Variants in MME observed in about 807,000 individuals in gnomAD.
MME encodes membrane metalloendopeptidase, also known as neprilysin.
In MME, 98 loss-of-function variants were observed where a neutral mutation model predicts 113.2. The ratio of observed to expected loss-of-function variants is 0.87; its 90% CI spans 0.74 to 1.02. MME has a LOEUF of 1.02. Ranked by LOEUF, MME falls within the 50% of genes least tolerant of loss-of-function variation. The pLI is 0.00. For missense variants in MME, 836 were observed against 896.0 expected, an observed-to-expected ratio of 0.93 and a Z score of 0.86; for synonymous variants, 292 against 300.6, an observed-to-expected ratio of 0.97 and a Z score of 0.30.
At chr3:155,096,363 G>C (rs1445376872) in intron 3 of MME, among the ~76,000 whole-genome samples, 1 of 152,150 alleles carries the variant, frequency 6.6e-6, no homozygotes, top group Non-Finnish European at 1.5e-5. Flanking sequence ...GTGTGTGAGA[G>C]AGCTTGGCAA....
At chr3:155,158,871 C>T (rs767500870) in intron 16 of MME, 3 of 147,448 alleles carry the variant, frequency 2.0e-5, no homozygotes, top group African/African-American at 7.4e-5. Context: ...TATTATCAGT[C>T]CCCCCCCATC....
At chr3:155,063,139 ATGT>A (rs1230038393) in intron 1 of MME, among the ~76,000 whole-genome samples, 15 of 136,798 alleles carry the variant, frequency 1.1e-4, no homozygotes, top group Non-Finnish European at 1.4e-4. Flanking sequence ...TTATATAATT[ATGT>A]TATATATTTA....
intron 16 of MME, among the ~76,000 whole-genome samples, chr3:155,159,178 A>G (rs113064050): frequency 5.9e-5 from 9 of 152,196 alleles, no homozygotes; most frequent in East Asian, 1.9e-4. Context: ...ATAGTTACTG[A>G]CATTGTAACT....
At chr3:155,159,447 A>C (rs1576658065) in intron 16 of MME, among the ~76,000 whole-genome samples, 1 of 152,154 alleles carries the variant, frequency 6.6e-6, no homozygotes, top group East Asian at 1.9e-4. Flanking sequence ...CCATTTTTCC[A>C]ATGAGCAAGT....
At chr3:155,081,603 G>A (rs550354188) in intron 1 of MME, 47 of 149,844 alleles carry the variant, frequency 3.1e-4, no homozygotes, top group Non-Finnish European at 6.3e-4. Flanking sequence ...GGGACTATAA[G>A]CCTCAACTTG....
chr3:155,116,835 T>C, intron 6 of MME, 33 bp from the exon 7 acceptor site: 1 of 1,545,342 alleles, frequency 6.5e-7, no homozygotes, highest in Non-Finnish European at 8.9e-7. Flanking sequence ...AACTAAAGCT[T>C]CTAAAGATAT....
chr3:155,081,517 TTTTA>T (rs1715142982), intron 1 of MME: 1 of 152,226 alleles, frequency 6.6e-6, no homozygotes, highest in Non-Finnish European at 1.5e-5. Flanking sequence ...CGTTTAAACT[TTTTA>T]TTTAACACAT....
chr3:155,142,089 A>T lies in MME; in HGVS notation c.1056A>T (p.Leu352Phe). 1 of 1,613,876 alleles carries T rather than the reference A, an allele frequency of 6.2e-7. No homozygotes were observed. Among genetic ancestry groups the T allele is most frequent in the African/African-American group, 1.3e-5 (1 of 75,020 alleles). ...TGGTTGTTTATGCTCCAGAATATTTAACCAAACTTAAGCCCATTCTTACCA... is the reference window on the plus strand; with the variant it reads ...TGGTTGTTTATGCTCCAGAATATTTTACCAAACTTAAGCCCATTCTTACCA... Reference protein sequence around the residue: ...EDVVVYAPEYLTKLKPILTKY... With the variant: ...EDVVVYAPEYFTKLKPILTKY... The change falls in exon 11 of 23, where the codon TTA becomes TTT. Residue 352 changes from leucine to phenylalanine, a missense_variant. Transcript: ENST00000360490.
At chr3:155,079,853 C>G (rs1253393373), upstream of MME, 1 of 152,314 alleles carries the variant, frequency 6.6e-6, no homozygotes, top group African/African-American at 2.4e-5. Context: ...CAAGTCCGGC[C>G]TCAGCCTGGA....
intron 1 of MME, among the ~76,000 whole-genome samples, chr3:155,055,831 G>A (rs534576048): frequency 1.4e-4 from 22 of 152,132 alleles, no homozygotes; most frequent in African/African-American, 1.9e-4. Flanking sequence ...GTATACTTAC[G>A]ACTTATTCAT....
intron 8 of MME, among the ~76,000 whole-genome samples, chr3:155,125,117 C>T (rs1364245960): frequency 5.9e-5 from 5 of 85,428 alleles, no homozygotes; most frequent in East Asian, 3.1e-4. Flanking sequence ...GATATAGTCT[C>T]GTGGTGCGCC....
chr3:155,027,518 C>A (rs1712827451), intron 1 of MME, among the ~76,000 whole-genome samples: 1 of 152,222 alleles, frequency 6.6e-6, no homozygotes, highest in Admixed American at 6.5e-5. Flanking sequence ...AGTGCCAGGG[C>A]CCTTCTGGGC....
chr3:155,103,975 G>A (rs1396461293), intron 3 of MME, among the ~76,000 whole-genome samples: 1 of 152,162 alleles, frequency 6.6e-6, no homozygotes, highest in Non-Finnish European at 1.5e-5. Flanking sequence ...TACAGTAGGA[G>A]CTTTACTTGT....
At chr3:155,047,062 T>C (rs1204261821) in intron 1 of MME, among the ~76,000 whole-genome samples, 1 of 152,192 alleles carries the variant, frequency 6.6e-6, no homozygotes, top group Admixed American at 6.5e-5. Flanking sequence ...TACAGTAATG[T>C]ACAGTAATGT....
At chr3:155,060,410 T>G (rs1055674315) in intron 1 of MME, among the ~76,000 whole-genome samples, 3 of 152,206 alleles carry the variant, frequency 2.0e-5, no homozygotes, top group African/African-American at 7.2e-5. Context: ...GGTCCTTAGT[T>G]TACTCATTTG....
chr3:155,069,879 T>C lies in MME; in HGVS notation c.-10-14279T>C, dbSNP rs186477293. Among the ~76,000 whole-genome samples, 28 of 152,248 alleles carry C rather than the reference T, an allele frequency of 1.8e-4. No homozygotes were observed. In the East Asian group the frequency reaches 4.8e-3, roughly 26 times the overall value. On this transcript the variant is annotated intron_variant, in intron 1 of 22. Coordinates refer to the MME transcript ENST00000492661. ...CTTGCCCTTGTCCATGTGATGTTGG[T>C]TAACGTCAGCAGAAGGACCTTATTG... is the stretch of plus-strand genomic sequence containing the variant.
intron 22 of MME, among the ~76,000 whole-genome samples, chr3:155,176,236 TG>T (rs1712505436): frequency 6.6e-6 from 1 of 152,168 alleles, no homozygotes; most frequent in African/African-American, 2.4e-5. Flanking sequence ...AGTCCATTCT[TG>T]GTCCCAATGC....
At chr3:155,137,472 C>T (rs1720721673) in intron 8 of MME, among the ~76,000 whole-genome samples, 1 of 152,088 alleles carries the variant, frequency 6.6e-6, no homozygotes, top group Admixed American at 6.5e-5. Context: ...TTTGGGAGGC[C>T]AAGGCAGGCG....
At chr3:155,058,251 C>T (rs1714007505) in intron 1 of MME, among the ~76,000 whole-genome samples, 1 of 152,124 alleles carries the variant, frequency 6.6e-6, no homozygotes, top group South Asian at 2.1e-4. Flanking sequence ...CAGTTCAGGT[C>T]CAGAAGTAGG....
Sources: gnomAD v4.1 joint callset for allele counts (sites outside exome capture counted in the v4.1 genomes callset) on GRCh38, gnomAD v4.1.1 for gene constraint, MANE v1.5 for transcripts, NCBI Gene and HGNC (gene_info 2026-07-23, HGNC 2026-07-21) for gene names.